Variants in MARCHF1 observed in about 807,000 individuals in gnomAD.
MARCHF1 encodes the protein membrane associated ring-CH-type finger 1, also known as E3 ubiquitin-protein ligase MARCHF1.
Under a neutral mutation model 54.2 loss-of-function variants are expected in MARCHF1, and 40 were observed. The ratio of observed to expected loss-of-function variants is 0.74; its 90% CI spans 0.57 to 0.96. The LOEUF (loss-of-function observed/expected upper bound fraction) is 0.96. MARCHF1 is among the 40% of genes least tolerant of loss of function. The pLI, the probability that MARCHF1 is intolerant of heterozygous loss-of-function variation, is 0.00. For missense variants in MARCHF1, 586 were observed against 656.5 expected (o/e 0.89, Z 1.17); for synonymous variants, 236 against 236.3 (o/e 1.00, Z 0.01).
At chr4:163,565,411 G>C (rs1024827394) in intron 8 of MARCHF1, among the ~76,000 whole-genome samples, 1 of 152,232 alleles carries the variant, frequency 6.6e-6, no homozygotes, top group African/African-American at 2.4e-5. Flanking sequence ...GGAGAAATCA[G>C]TGAGGTGGGT....
chr4:164,138,583 G>A (rs747438687), intron 1 of MARCHF1, among the ~76,000 whole-genome samples: 6 of 152,170 alleles, frequency 3.9e-5, no homozygotes, highest in Non-Finnish European at 7.3e-5. Flanking sequence ...TAAGGAACGG[G>A]TATGGCCACA....
intron 5 of MARCHF1, among the ~76,000 whole-genome samples, chr4:163,698,709 A>C (rs1744710433): frequency 6.6e-6 from 1 of 152,178 alleles, no homozygotes; most frequent in Admixed American, 6.6e-5. Flanking sequence ...AACGGGCTGG[A>C]TTAAGTAAAA....
intron 4 of MARCHF1, among the ~76,000 whole-genome samples, chr4:163,725,137 A>G (rs919727296): frequency 6.6e-6 from 1 of 152,196 alleles, no homozygotes; most frequent in African/African-American, 2.4e-5. Context: ...GTATTCAGCC[A>G]TCTTGGAACT....
intron 4 of MARCHF1, among the ~76,000 whole-genome samples, chr4:163,771,663 T>C (rs1259208497): frequency 2.6e-5 from 4 of 152,172 alleles, no homozygotes; most frequent in Non-Finnish European, 2.9e-5. Flanking sequence ...AGATAGGATT[T>C]CAGCACATGA....
At chr4:164,243,445 A>T (rs1210933978) in intron 1 of MARCHF1, among the ~76,000 whole-genome samples, 2 of 151,878 alleles carry the variant, frequency 1.3e-5, no homozygotes, top group South Asian at 4.2e-4. Context: ...TTTTGTCACC[A>T]CCAGGAAGGA....
chr4:163,988,170 T>C (rs866310567), intron 3 of MARCHF1, among the ~76,000 whole-genome samples: 6 of 152,090 alleles, frequency 3.9e-5, no homozygotes, highest in African/African-American at 1.2e-4. Context: ...ACCACAGCAA[T>C]GTCCAGAGCC....
intron 4 of MARCHF1, among the ~76,000 whole-genome samples, chr4:163,723,251 T>A (rs1234896771): frequency 6.6e-6 from 1 of 152,198 alleles, no homozygotes; most frequent in Non-Finnish European, 1.5e-5. Flanking sequence ...TTTGCTTGTC[T>A]GTAAAGGATT....
chr4:164,272,262 A>C (rs1231153213), intron 1 of MARCHF1, among the ~76,000 whole-genome samples: 1 of 152,026 alleles, frequency 6.6e-6, no homozygotes, highest in Middle Eastern at 3.2e-3. Flanking sequence ...CAGCATCTTC[A>C]TTGCTAGTAT....
chr4:164,190,210 T>C (rs566600494), intron 1 of MARCHF1: 2 of 1,525,586 alleles, frequency 1.3e-6, no homozygotes, highest in South Asian at 1.2e-5. Context: ...GCTGCTGACA[T>C]TGAAGACTTC....
intron 2 of MARCHF1, among the ~76,000 whole-genome samples, chr4:163,991,845 G>A (rs193046006): frequency 1.5e-4 from 23 of 152,050 alleles, no homozygotes; most frequent in African/African-American, 2.7e-4. Flanking sequence ...TCCAGCCCTC[G>A]GCTCTGGGGA....
chr4:163,902,602 A>G (rs1750966745), intron 3 of MARCHF1, among the ~76,000 whole-genome samples: 1 of 152,202 alleles, frequency 6.6e-6, no homozygotes, highest in Non-Finnish European at 1.5e-5. Flanking sequence ...TCAGGTAAGA[A>G]ATTCTCACAG....
intron 1 of MARCHF1, among the ~76,000 whole-genome samples, chr4:164,284,011 T>C (rs1342455962): frequency 6.6e-6 from 1 of 150,982 alleles, no homozygotes; most frequent in Admixed American, 6.7e-5. Flanking sequence ...AAAAGACAAC[T>C]GTATTTAACA....
intron 1 of MARCHF1, among the ~76,000 whole-genome samples, chr4:164,244,783 C>A (rs1284697704): frequency 1.3e-5 from 2 of 152,164 alleles, no homozygotes; most frequent in East Asian, 3.9e-4. Flanking sequence ...GATATCACCA[C>A]CAATCCCACA....
At chr4:163,985,569 A>T (rs946164810) in intron 3 of MARCHF1, among the ~76,000 whole-genome samples, 2 of 152,200 alleles carry the variant, frequency 1.3e-5, no homozygotes, top group Non-Finnish European at 2.9e-5. Flanking sequence ...TGATATCCTT[A>T]ACAGGATGGA....
chr4:163,945,251 G>A (rs1411839076), intron 3 of MARCHF1, among the ~76,000 whole-genome samples: 2 of 151,728 alleles, frequency 1.3e-5, no homozygotes, highest in South Asian at 4.2e-4. Flanking sequence ...TTTTTTCTGG[G>A]GTTCTTTTTC....
intron 1 of MARCHF1, among the ~76,000 whole-genome samples, chr4:164,175,390 G>A (rs28501516): frequency 0.17 from 26,510 of 151,964 alleles, 3,518 homozygotes; most frequent in African/African-American, 0.36. Flanking sequence ...TGGTAAAATT[G>A]AGGTCTTCTC....
At position 164,114,896 on chromosome 4, in the gene MARCHF1, C is replaced by A. The variant is rs140039193; in HGVS notation, c.-322-3234G>T. On this transcript the variant is annotated intron_variant, in intron 1 of 9. Coordinates refer to ENST00000514618, the MANE Select transcript of MARCHF1 (RefSeq NM_001394959.1). The stretch of plus-strand genomic sequence containing the variant: ...CTGATGGAATGGCACATGAAATTAT[C>A]TCCCACTTCCATGTCAATGACTACT... Among the ~76,000 whole-genome samples the A allele has an allele frequency of 1.3e-4, 19 of 151,626 alleles. No individual in the cohort carries two copies. In the East Asian group the frequency reaches 3.3e-3, roughly 26 times the overall value.
At chr4:164,244,245 A>C (rs2111221970) in intron 1 of MARCHF1, among the ~76,000 whole-genome samples, 1 of 152,096 alleles carries the variant, frequency 6.6e-6, no homozygotes, top group African/African-American at 2.4e-5. Context: ...AACAGAAATT[A>C]TAACAAACTA....
At chr4:163,925,014 G>C (rs1751507889) in intron 3 of MARCHF1, among the ~76,000 whole-genome samples, 1 of 151,638 alleles carries the variant, frequency 6.6e-6, no homozygotes, top group African/African-American at 2.4e-5. Context: ...GTTTAAAATA[G>C]ATTTTTAATG....
Sources: gnomAD v4.1 joint callset for allele counts (sites outside exome capture counted in the v4.1 genomes callset) on GRCh38, gnomAD v4.1.1 for gene constraint, MANE v1.5 for transcripts, NCBI Gene and HGNC (gene_info 2026-07-23, HGNC 2026-07-21) for gene names.